PLEKHM2: variants seen among roughly 807,000 people sequenced by gnomAD.
PLEKHM2 encodes pleckstrin homology and RUN domain containing M2.
PLEKHM2 carries 77 observed loss-of-function variants against 116.3 expected under a neutral mutation model. The ratio of observed to expected loss-of-function variants is 0.66; its 90% confidence interval spans 0.55 to 0.80. PLEKHM2 has a LOEUF of 0.80. PLEKHM2 is among the 30% of genes least tolerant of loss of function. The pLI is 0.00. For synonymous variants in PLEKHM2, 562 were observed against 571.0 expected, an observed-to-expected ratio of 0.98 and a Z score of 0.22; for missense variants, 1,183 against 1,354.9, an observed-to-expected ratio of 0.87 and a Z score of 1.99.
intron 1 of PLEKHM2, among the ~76,000 whole-genome samples, chr1:15,697,084 A>G (rs1321042481): frequency 2.6e-5 from 4 of 152,164 alleles, no homozygotes; most frequent in African/African-American, 9.7e-5. Context: ...GGAAAAGGGA[A>G]GTGAAAGATG....
rs747848774 is a variant in PLEKHM2, at chr1:15,727,615, C to T, written c.1543C>T (p.Arg515Trp). Reference sequence around the variant, plus strand: ...AGGAGGAGGAGAGGGACAGACGCCTCGGCCCCTAGAGGATACCACGAGGGA... The same window carrying T: ...AGGAGGAGGAGAGGGACAGACGCCTTGGCCCCTAGAGGATACCACGAGGGA... ...EGGGGEGQTP[R>W]PLEDTTREAQ... is the part of the protein sequence containing the mutation. The change falls in exon 9 of 20, where the codon CGG becomes TGG. Residue 515 changes from arginine to tryptophan, a missense_variant. By Grantham distance (101) the Arg-to-Trp change is moderately radical. Coordinates refer to ENST00000375799, the MANE Select transcript of PLEKHM2 (RefSeq NM_015164.4). This position sits in a 1 kb window ranked among gnomAD's most constrained non-coding sequence, Gnocchi z 7.5. 4.9e-5 allele frequency: 78 copies of T among 1,586,570 alleles called. No homozygotes were observed. Among genetic ancestry groups the T allele is most frequent in the African/African-American group, 1.3e-4 (10 of 74,196 alleles).
intron 1 of PLEKHM2, among the ~76,000 whole-genome samples, chr1:15,689,830 C>T (rs979730399): frequency 1.3e-5 from 2 of 152,212 alleles, no homozygotes; most frequent in African/African-American, 2.4e-5. Flanking sequence ...GATCTCAGCT[C>T]ACTGCAACCT....
In PLEKHM2 at chr1:15,729,999, G is replaced by A. The variant is rs1017285958; in HGVS notation, c.2208+70G>A. On this transcript the variant is annotated intron_variant, in intron 14 of 19. Transcript: ENST00000375799. The surrounding 1 kb of genome is among the most constrained non-coding windows in gnomAD (Gnocchi z 4.7). ...GAGCAGCAGCCGCCTTGGCGTGAGC[G>A]TTAAGGGATGCACGTGGATGTCTTT... The A allele has an allele frequency of 9.4e-5, 104 of 1,108,960 alleles. No homozygotes were observed. Among genetic ancestry groups the A allele is most frequent in the Admixed American group, 2.3e-4 (9 of 38,496 alleles). The allele number at this position is 1,108,960 out of a possible 1,614,324, so 68.7% of individuals were successfully genotyped here. A position where few individuals can be genotyped will look rare whatever the true frequency, so the allele number is the denominator to read the frequency against.
chr1:15,702,413 G>C (rs551945650), intron 1 of PLEKHM2, among the ~76,000 whole-genome samples: 1 of 151,866 alleles, frequency 6.6e-6, no homozygotes, highest in African/African-American at 2.4e-5. Context: ...TTCTTCAGGT[G>C]GGTTTTTTTT....
At chr1:15,701,343 G>A (rs1029032925) in intron 1 of PLEKHM2, among the ~76,000 whole-genome samples, 5 of 151,120 alleles carry the variant, frequency 3.3e-5, no homozygotes, top group South Asian at 4.2e-4. Context: ...TGAGGCAGGA[G>A]AATCGGCTGA....
intron 7 of PLEKHM2, 69 bp from the exon 8 acceptor site, chr1:15,725,248 G>A (rs866051650): frequency 2.9e-5 from 33 of 1,145,526 alleles, no homozygotes; most frequent in East Asian, 5.1e-5. Flanking sequence ...CTGGGCTAAC[G>A]CATGCTCTGG....
chr1:15,706,667 A>G (rs1326812479), intron 1 of PLEKHM2, among the ~76,000 whole-genome samples: 1 of 152,154 alleles, frequency 6.6e-6, no homozygotes, highest in Non-Finnish European at 1.5e-5. Flanking sequence ...TCAGCCTCCC[A>G]AAGTGCTGGC....
At chr1:15,709,959 C>T (rs1375313779) in intron 1 of PLEKHM2, among the ~76,000 whole-genome samples, 2 of 152,064 alleles carry the variant, frequency 1.3e-5, no homozygotes, top group Admixed American at 6.5e-5. Flanking sequence ...GGCGCGGTGG[C>T]TCATGCCTGT....
At chr1:15,690,483 C>A (rs146081941) in intron 1 of PLEKHM2, among the ~76,000 whole-genome samples, 55 of 152,254 alleles carry the variant, frequency 3.6e-4, no homozygotes, top group Non-Finnish European at 7.1e-4. Flanking sequence ...CAAAAGCAAC[C>A]AAATGTGTAT....
Position 15,733,737 on chromosome 1 carries a change from C to T in PLEKHM2, c.2923-60C>T, listed in dbSNP as rs947159523. On this transcript the variant is annotated intron_variant, in intron 19 of 19. Coordinates refer to ENST00000375799, the MANE Select transcript of PLEKHM2 (RefSeq NM_015164.4). ...CAGAGGCAGGCCTGGTGCCCACAAG[C>T]CCTGAAGACTCCTGTGGCCCTCAGT... is the stretch of plus-strand genomic sequence containing the variant. 4.5e-6 allele frequency: 7 copies of T among 1,568,528 alleles called. No homozygotes were observed. The African/African-American group carries it at 8.1e-5, about 18-fold the overall frequency.
chr1:15,712,118 CA>C (rs1005404755), intron 1 of PLEKHM2, among the ~76,000 whole-genome samples: 2,532 of 51,688 alleles, frequency 0.049, 40 homozygotes, highest in African/African-American at 0.13. Flanking sequence ...GATTCAGTCT[CA>C]AAAAAAAAAA....
intron 1 of PLEKHM2, among the ~76,000 whole-genome samples, chr1:15,684,879 C>T (rs1009244759): frequency 6.6e-6 from 1 of 152,068 alleles, no homozygotes; most frequent in Non-Finnish European, 1.5e-5. Context: ...CCTGCCCTCC[C>T]GGAGAGGGGT....
intron 1 of PLEKHM2, among the ~76,000 whole-genome samples, chr1:15,713,780 C>T (rs1174577124): frequency 7.9e-5 from 12 of 151,168 alleles, no homozygotes; most frequent in South Asian, 4.2e-4. Context: ...GGACTACAGG[C>T]GCCTGCCACT....
At chr1:15,722,611 T>C (rs2068009848) in intron 7 of PLEKHM2, 1 of 152,178 alleles carries the variant, frequency 6.6e-6, no homozygotes, top group Admixed American at 6.5e-5. Flanking sequence ...TGCTGAGTAA[T>C]GGGTGACAGG....
At chr1:15,696,486 G>A (rs1398424661) in intron 1 of PLEKHM2, among the ~76,000 whole-genome samples, 1 of 152,120 alleles carries the variant, frequency 6.6e-6, no homozygotes, top group Non-Finnish European at 1.5e-5. Flanking sequence ...GAGTAGCTGG[G>A]ATTATAGGCG....
At chr1:15,699,218 A>ATGTGCAGGTTTGTTACATAGG (rs1236039847) in intron 1 of PLEKHM2, among the ~76,000 whole-genome samples, 64 of 152,208 alleles carry the variant, frequency 4.2e-4, no homozygotes, top group African/African-American at 1.2e-3. Context: ...CATGTGCACA[A>ATGTGCAGGTTTGTTACATAGG]TGTGCAGGTT....
At chr1:15,700,945 C>G (rs1641096893) in intron 1 of PLEKHM2, among the ~76,000 whole-genome samples, 1 of 151,548 alleles carries the variant, frequency 6.6e-6, no homozygotes, top group Admixed American at 6.6e-5. Flanking sequence ...AAACCTGTCT[C>G]TACTAAAAAT....
chr1:15,729,999 G>T lies in PLEKHM2; in HGVS notation c.2208+70G>T, dbSNP rs1017285958. Reference sequence around the variant, plus strand: ...GAGCAGCAGCCGCCTTGGCGTGAGCGTTAAGGGATGCACGTGGATGTCTTT... The same window carrying T: ...GAGCAGCAGCCGCCTTGGCGTGAGCTTTAAGGGATGCACGTGGATGTCTTT... On this transcript the variant is annotated intron_variant, in intron 14 of 19. Transcript: ENST00000375799. The surrounding 1 kb of genome is among the most constrained non-coding windows in gnomAD (Gnocchi z 4.7). The T allele has an allele frequency of 9.0e-7, 1 of 1,109,106 alleles. No individual in the cohort carries two copies. The allele number at this position is 1,109,106 out of a possible 1,614,324, so 68.7% of individuals were successfully genotyped here. A position where few individuals can be genotyped will look rare whatever the true frequency, so the allele number is the denominator to read the frequency against.
At chr1:15,722,991 T>G (rs945982772) in intron 7 of PLEKHM2, 2 of 152,056 alleles carry the variant, frequency 1.3e-5, no homozygotes, top group African/African-American at 2.4e-5. Context: ...CAGGGTGAGA[T>G]TTCTGGAGTT....
Sources: allele counts gnomAD v4.1 joint callset (sites outside exome capture counted in the v4.1 genomes callset), GRCh38; gene constraint gnomAD v4.1.1; non-coding constraint Gnocchi (gnomAD v3.1); transcripts MANE v1.5; gene names NCBI Gene and HGNC (gene_info 2026-07-23, HGNC 2026-07-21).